The following TEX9 variants were observed in gnomAD, a reference collection of about 807,000 sequenced individuals.
TEX9 encodes testis expressed 9.
Under a neutral mutation model 59.6 loss-of-function variants are expected in TEX9, and 74 were observed. That is an observed-to-expected ratio of 1.24 (90% CI 1.03 to 1.51). TEX9 has a LOEUF of 1.51. Ranked by LOEUF, TEX9 falls within the 40% of genes most tolerant of loss-of-function variation. The pLI, the probability that TEX9 is intolerant of heterozygous loss-of-function variation, is 0.00. For synonymous variants in TEX9, 186 were observed against 152.2 expected (o/e 1.22, Z -1.64); for missense variants, 522 against 447.8 (o/e 1.17, Z -1.49).
intron 12 of TEX9, among the ~76,000 whole-genome samples, chr15:56,439,522 T>C (rs556728728): frequency 3.9e-5 from 6 of 152,132 alleles, no homozygotes; most frequent in African/African-American, 1.2e-4. Flanking sequence ...GATGGATACA[T>C]AGACCAACAG....
At chr15:56,323,265 A>C (rs191087128) in intron 1 of TEX9, 314 of 216,478 alleles carry the variant, frequency 1.5e-3, no homozygotes, top group African/African-American at 6.8e-3. Context: ...GTGGAAGATC[A>C]TGTCTGCCAA....
At chr15:56,287,960 G>C (rs1475020023) in intron 1 of TEX9, among the ~76,000 whole-genome samples, 2 of 152,132 alleles carry the variant, frequency 1.3e-5, no homozygotes, top group African/African-American at 4.8e-5. Context: ...TGGCGACTGT[G>C]AATAATGTTG....
At chr15:56,434,439 C>T (rs1285759735) in intron 12 of TEX9, 2 of 1,543,226 alleles carry the variant, frequency 1.3e-6, no homozygotes, top group Admixed American at 1.8e-5. Context: ...TATTTCCTTA[C>T]ACCAGATTTA....
chr15:56,396,382 A>G (rs2048469498), intron 9 of TEX9: 1 of 152,150 alleles, frequency 6.6e-6, no homozygotes, highest in African/African-American at 2.4e-5. Flanking sequence ...ATGCAGTAAT[A>G]TAACTATCAC....
At chr15:56,272,944 T>TTTG (rs1555430185) in intron 1 of TEX9, among the ~76,000 whole-genome samples, 11 of 142,238 alleles carry the variant, frequency 7.7e-5, no homozygotes, top group South Asian at 4.8e-4. Flanking sequence ...ATTTATTTTT[T>TTTG]TTGTTGTTGT....
intron 12 of TEX9, chr15:56,434,531 A>G (rs1425430674): frequency 2.1e-6 from 2 of 953,446 alleles, no homozygotes; most frequent in Admixed American, 3.0e-5. Context: ...GCTTTTCATG[A>G]TAACTTTGTC....
intron 9 of TEX9, among the ~76,000 whole-genome samples, chr15:56,405,150 A>C (rs1399357150): frequency 1.3e-5 from 2 of 152,066 alleles, no homozygotes; most frequent in Non-Finnish European, 2.9e-5. Flanking sequence ...AAATTAAAAT[A>C]CAAAAAAGCC....
chr15:56,382,500 A>G (rs554796248), intron 3 of TEX9, among the ~76,000 whole-genome samples: 1 of 152,290 alleles, frequency 6.6e-6, no homozygotes, highest in South Asian at 2.1e-4. Flanking sequence ...CTCAGAGCCC[A>G]AGGCCCATGG....
At chr15:56,283,914 G>A (rs2044878820) in intron 1 of TEX9, among the ~76,000 whole-genome samples, 1 of 152,078 alleles carries the variant, frequency 6.6e-6, no homozygotes. Context: ...TATGTCTCCA[G>A]CAAATATGGG....
downstream of TEX9, among the ~76,000 whole-genome samples, chr15:56,449,599 G>A (rs556686457): frequency 2.0e-4 from 30 of 152,216 alleles, no homozygotes; most frequent in South Asian, 5.8e-3. Flanking sequence ...AAAACAAATT[G>A]GGAAGGGCTT....
intron 1 of TEX9, among the ~76,000 whole-genome samples, chr15:56,273,961 G>C (rs777728681): frequency 6.6e-6 from 1 of 151,948 alleles, no homozygotes; most frequent in African/African-American, 2.4e-5. Context: ...TGACCTTCTC[G>C]TATCTGTGGC....
Position 56,275,346 on chromosome 15 carries a change from T to G in TEX9, c.-107+31068T>G, listed in dbSNP as rs151211798. On this transcript the variant is annotated intron_variant, in intron 1 of 5. Coordinates refer to the TEX9 transcript ENST00000560827. ...CATAGCATGATCTCTTTCCCACAAC[T>G]TGGTTACTACCATTTTCTAAGGCTC... 4.7e-4 allele frequency among the ~76,000 whole-genome samples: 72 copies of G among 152,330 alleles called. No individual in the cohort carries two copies. In the South Asian group the frequency reaches 4.8e-3, roughly 10 times the overall value.
upstream of TEX9, among the ~76,000 whole-genome samples, chr15:56,361,993 A>G (rs1317379134): frequency 6.6e-6 from 1 of 151,172 alleles, no homozygotes; most frequent in African/African-American, 2.5e-5. Context: ...TAAGCCACTC[A>G]CTTGGTGGTG....
intron 1 of TEX9, among the ~76,000 whole-genome samples, chr15:56,358,976 T>C (rs1295223176): frequency 6.6e-6 from 1 of 152,164 alleles, no homozygotes; most frequent in African/African-American, 2.4e-5. Flanking sequence ...CATGCAGAAC[T>C]TTGAGTCCAT....
At chr15:56,388,587 T>G in intron 5 of TEX9, 67 bp downstream of exon 5, 2 of 1,398,532 alleles carry the variant, frequency 1.4e-6, no homozygotes, top group Non-Finnish European at 2.0e-6. Flanking sequence ...TTTAGACTTT[T>G]CTTAGACAAA....
chr15:56,447,060 A>AT, downstream of TEX9: 1 of 674,158 alleles, frequency 1.5e-6, no homozygotes, highest in African/African-American at 1.8e-5. Context: ...AGCGGGTATT[A>AT]TTTTAGATCC....
At chr15:56,336,794 G>C (rs1416426751) in intron 1 of TEX9, among the ~76,000 whole-genome samples, 1 of 152,138 alleles carries the variant, frequency 6.6e-6, no homozygotes, top group Non-Finnish European at 1.5e-5. Flanking sequence ...AGGGAATTGG[G>C]CCCTTATACT....
At chr15:56,294,723 A>G (rs1395146268) in intron 1 of TEX9, among the ~76,000 whole-genome samples, 1 of 152,178 alleles carries the variant, frequency 6.6e-6, no homozygotes. Flanking sequence ...GCTGGGAGGA[A>G]ATACCATGGT....
downstream of TEX9, among the ~76,000 whole-genome samples, chr15:56,450,878 ACTT>A (rs1166643117): frequency 7.2e-5 from 11 of 152,050 alleles, no homozygotes; most frequent in African/African-American, 2.7e-4. Flanking sequence ...CAATTTTCCC[ACTT>A]TCTTGGCAAT....
Sources: gnomAD v4.1 joint callset for allele counts (sites outside exome capture counted in the v4.1 genomes callset) on GRCh38, gnomAD v4.1.1 for gene constraint, MANE v1.5 for transcripts, NCBI Gene and HGNC (gene_info 2026-07-23, HGNC 2026-07-21) for gene names.